VAT1L: variants seen among roughly 807,000 people sequenced by gnomAD.
The protein encoded by VAT1L is vesicle amine transport 1 like.
A neutral mutation model predicts 44.1 loss-of-function variants in VAT1L; 34 were observed. That is an observed-to-expected ratio of 0.77 (90% confidence interval 0.59 to 1.03). The LOEUF (loss-of-function observed/expected upper bound fraction) is 1.03, where lower values mean the gene tolerates loss of function less well. Ranked by LOEUF, VAT1L falls within the 50% of genes least tolerant of loss-of-function variation. The probability of loss-of-function intolerance (pLI) is 0.00; values close to 1 mark genes in which losing one functional copy is unlikely to be tolerated. For missense variants in VAT1L, 615 were observed against 538.8 expected, an observed-to-expected ratio of 1.14 and a Z score of -1.40; for synonymous variants, 253 against 202.2, an observed-to-expected ratio of 1.25 and a Z score of -2.13.
chr16:77,936,090 T>C (rs1403930159), intron 7 of VAT1L, among the ~76,000 whole-genome samples: 1 of 152,172 alleles, frequency 6.6e-6, no homozygotes, highest in African/African-American at 2.4e-5. Context: ...ATGATAAGGT[T>C]GTGGGGAGAC....
intron 2 of VAT1L, among the ~76,000 whole-genome samples, chr16:77,817,468 A>G (rs150563409): frequency 6.6e-6 from 1 of 152,322 alleles, no homozygotes; most frequent in East Asian, 1.9e-4. Context: ...GCTCCCTCAA[A>G]TAGTCACTTA....
chr16:77,806,802 GC>G (rs1024561334), intron 1 of VAT1L, among the ~76,000 whole-genome samples: 3 of 152,014 alleles, frequency 2.0e-5, no homozygotes, highest in Non-Finnish European at 4.4e-5. Context: ...TCATATCATA[GC>G]AAAAATGGAC....
At chr16:77,890,172 T>A (rs543797982) in intron 7 of VAT1L, among the ~76,000 whole-genome samples, 1 of 151,942 alleles carries the variant, frequency 6.6e-6, no homozygotes, top group Admixed American at 6.6e-5. Flanking sequence ...AGGATAGGAA[T>A]GATTTGGATG....
intron 7 of VAT1L, among the ~76,000 whole-genome samples, chr16:77,959,858 T>C (rs2018143143): frequency 1.3e-5 from 2 of 152,188 alleles, no homozygotes; most frequent in Admixed American, 6.5e-5. Context: ...TGGAATGTAG[T>C]AACCAAAGTC....
Position 77,878,077 on chromosome 16 carries a change from C to T in VAT1L, c.827-1092C>T, listed in dbSNP as rs117421761. ...TTTGGTGAAATTCAACTTGATTAAT[C>T]CCATGTGAGTAGTTCACAATTATCT... On this transcript the variant is annotated intron_variant, in intron 5 of 8. Transcript: ENST00000302536. 3.3e-3 allele frequency among the ~76,000 whole-genome samples: 508 copies of T among 152,272 alleles called. 10 individuals carry two copies. Among genetic ancestry groups the T allele is most frequent in the East Asian group, 0.018 (95 of 5,190 alleles).
chr16:77,973,463 T>G (rs591416), intron 8 of VAT1L, among the ~76,000 whole-genome samples: 25,710 of 151,968 alleles, frequency 0.17, 2,382 homozygotes, highest in Non-Finnish European at 0.19. Flanking sequence ...TTTTGTATTT[T>G]TAGTAGAGAT....
chr16:77,942,831 G>A (rs767271635), intron 7 of VAT1L, among the ~76,000 whole-genome samples: 6 of 151,540 alleles, frequency 4.0e-5, no homozygotes, highest in Non-Finnish European at 7.4e-5. Context: ...TGCAAACTCC[G>A]CCTCCCGGGT....
At chr16:77,807,477 T>C (rs769542381) in intron 1 of VAT1L, among the ~76,000 whole-genome samples, 2 of 152,124 alleles carry the variant, frequency 1.3e-5, no homozygotes, top group Non-Finnish European at 2.9e-5. Flanking sequence ...GTCTGGAACT[T>C]TGCAAGGATG....
intron 1 of VAT1L, among the ~76,000 whole-genome samples, chr16:77,789,618 G>A (rs2966074): frequency 0.98 from 149,146 of 152,268 alleles, 73,098 homozygotes; most frequent in East Asian, 1. Context: ...CTTGCACCCA[G>A]GCTTGGTGAG....
chr16:77,878,419 G>C (rs1567495662), intron 5 of VAT1L, among the ~76,000 whole-genome samples: 1 of 152,094 alleles, frequency 6.6e-6, no homozygotes, highest in African/African-American at 2.4e-5. Context: ...GCACCTGTAT[G>C]GTATTTGAAT....
chr16:77,890,064 G>A (rs940331365), intron 7 of VAT1L, among the ~76,000 whole-genome samples: 1 of 152,168 alleles, frequency 6.6e-6, no homozygotes, highest in African/African-American at 2.4e-5. Context: ...TCCAGCCTGG[G>A]CAACAGAGCA....
intron 7 of VAT1L, among the ~76,000 whole-genome samples, chr16:77,904,683 A>G (rs1340911217): frequency 1.3e-5 from 2 of 152,240 alleles, no homozygotes; most frequent in South Asian, 2.1e-4. Flanking sequence ...CGTTCAATCT[A>G]TAACACTTCC....
At chr16:77,952,450 G>C (rs941598854) in intron 7 of VAT1L, among the ~76,000 whole-genome samples, 2 of 151,920 alleles carry the variant, frequency 1.3e-5, no homozygotes, top group African/African-American at 4.8e-5. Context: ...CCTCCTCCCT[G>C]TGACCCCCCA....
rs2017123326 is a variant in VAT1L, at chr16:77,879,289, T to C, written c.882+65T>C. 2 of 1,537,374 alleles carry C rather than the reference T, an allele frequency of 1.3e-6. No individual in the cohort carries two copies. The highest frequency in any genetic ancestry group is 1.8e-6 in the Non-Finnish European group (2 of 1,113,542). On this transcript the variant is annotated intron_variant, in intron 6 of 8. Transcript: ENST00000302536. The surrounding 1 kb of genome is among the most constrained non-coding windows in gnomAD (Gnocchi z 4.1). ...TTGATTCACATGTTGAGAGCTTTGTTTTTGTTTGTTTGTTTGTTTTGAGAC... is the reference window on the plus strand; with the variant it reads ...TTGATTCACATGTTGAGAGCTTTGTCTTTGTTTGTTTGTTTGTTTTGAGAC...
At chr16:77,912,308 G>A (rs560207042) in intron 7 of VAT1L, among the ~76,000 whole-genome samples, 1 of 152,228 alleles carries the variant, frequency 6.6e-6, no homozygotes, top group South Asian at 2.1e-4. Flanking sequence ...AAAGCGCCTG[G>A]GATTGAGTCT....
chr16:77,931,198 T>C lies in VAT1L; in HGVS notation c.1078-40652T>C, dbSNP rs192164664. Among the ~76,000 whole-genome samples, 154 of 152,290 alleles carry C rather than the reference T, an allele frequency of 1.0e-3. 1 individual carries two copies. Among genetic ancestry groups the C allele is most frequent in the Non-Finnish European group, 4.3e-4 (29 of 68,022 alleles). On this transcript the variant is annotated intron_variant, in intron 7 of 8. Transcript: ENST00000302536. The stretch of plus-strand genomic sequence containing the variant: ...AGAAGTTTTAATAAACTTTCTTTCA[T>C]TGAACGACGTGGGTGGGCATTAGGC...
chr16:77,929,669 A>C (rs1482700277), intron 7 of VAT1L, among the ~76,000 whole-genome samples: 1 of 152,176 alleles, frequency 6.6e-6, no homozygotes, highest in East Asian at 1.9e-4. Flanking sequence ...CACAGAAAGA[A>C]ACAAAGGCCA....
In VAT1L at chr16:77,876,641, A is replaced by G. The variant is rs550492245; in HGVS notation, c.826+168A>G. On this transcript the variant is annotated intron_variant, in intron 5 of 8. Coordinates refer to ENST00000302536, the MANE Select transcript of VAT1L (RefSeq NM_020927.3). ...TTTCTATTACTGTGAGTTATTTTCA[A>G]TTTTAAAATAACATGTGCCTACTGT... Among the ~76,000 whole-genome samples the G allele has an allele frequency of 1.3e-3, 203 of 152,276 alleles. 1 individual carries two copies. Among genetic ancestry groups the G allele is most frequent in the Non-Finnish European group, 1.9e-3 (132 of 68,020 alleles).
intron 7 of VAT1L, among the ~76,000 whole-genome samples, chr16:77,966,071 T>C (rs1431651738): frequency 1.3e-5 from 2 of 152,216 alleles, no homozygotes; most frequent in Non-Finnish European, 2.9e-5. Context: ...CTTCATTATA[T>C]TGAGTATATA....
Sources: allele counts gnomAD v4.1 joint callset (sites outside exome capture counted in the v4.1 genomes callset), GRCh38; gene constraint gnomAD v4.1.1; non-coding constraint Gnocchi (gnomAD v3.1); transcripts MANE v1.5; gene names NCBI Gene and HGNC (gene_info 2026-07-23, HGNC 2026-07-21).